Variants in COCH observed in about 807,000 individuals in gnomAD.
COCH encodes cochlin.
Under a neutral mutation model 54.8 loss-of-function variants are expected in COCH, and 40 were observed. That is an observed-to-expected ratio of 0.73 (90% CI 0.57 to 0.95). COCH has a LOEUF of 0.95. Ranked by LOEUF, COCH falls within the 40% of genes least tolerant of loss-of-function variation. COCH has a pLI of 0.00. For missense variants in COCH, 605 were observed against 675.0 expected, an observed-to-expected ratio of 0.90 and a Z score of 1.15; for synonymous variants, 256 against 237.9, an observed-to-expected ratio of 1.08 and a Z score of -0.70.
At chr14:30,882,340 GCCT>G (rs1895641657) in intron 8 of COCH, among the ~76,000 whole-genome samples, 1 of 151,690 alleles carries the variant, frequency 6.6e-6, no homozygotes, top group South Asian at 2.1e-4. Context: ...ATGTTGGCCA[GCCT>G]GGTCTCGAGC....
chr14:30,882,278 C>CA (rs1179064078), intron 8 of COCH, among the ~76,000 whole-genome samples: 1 of 151,392 alleles, frequency 6.6e-6, no homozygotes, highest in Non-Finnish European at 1.5e-5. Flanking sequence ...CACAGGTGTG[C>CA]ACTACTACGC....
downstream of COCH, chr14:30,895,292 C>T: frequency 9.9e-7 from 1 of 1,008,282 alleles, no homozygotes. Context: ...GTGCCTGCCC[C>T]AGATAGCCTT....
intron 11 of COCH, among the ~76,000 whole-genome samples, chr14:30,887,877 T>C (rs981779464): frequency 3.9e-5 from 6 of 152,236 alleles, no homozygotes; most frequent in African/African-American, 1.4e-4. Context: ...ACCTGTTTAC[T>C]ATCATATTCC....
rs11348847 is a variant in COCH at position 30,877,805 on chromosome 14, C to T, written c.239+77C>T. The T allele has an allele frequency of 9.4e-6, 15 of 1,602,896 alleles. No homozygotes were observed. The highest frequency in any genetic ancestry group is 1.3e-5 in the Non-Finnish European group (15 of 1,176,298). ...TTTCCTGCTTTACCCATCTGGATCC[C>T]TTTCCTCCCTGCATTCTTTCTTTTG... On this transcript the variant is annotated intron_variant, in intron 4 of 11. Transcript: ENST00000396618. The surrounding 1 kb of genome is among the most constrained non-coding windows in gnomAD (Gnocchi z 8.6).
chr14:30,889,685 C>A lies in COCH; in HGVS notation c.1547C>A (p.Pro516Gln), dbSNP rs751018920. ...GACCTGAAAGATATGGCTTCTAAAC[C>A]GAAGGAGTCTCATGCTTTCTTCACA... Reference protein sequence around the residue: ...LDDLKDMASKPKESHAFFTRE... With the variant: ...LDDLKDMASKQKESHAFFTRE... Residue 516 changes from proline (P) to glutamine (Q), a missense_variant, in exon 12 of 12, where the codon CCG becomes CAG. Transcript: ENST00000396618. The A allele has an allele frequency of 2.5e-6, 4 of 1,613,900 alleles. No individual in the cohort carries two copies. Among genetic ancestry groups the A allele is most frequent in the Non-Finnish European group, 3.4e-6 (4 of 1,179,830 alleles).
Position 30,878,899 on chromosome 14 carries a change from C to A in COCH, c.328C>A (p.Gln110Lys), listed in dbSNP as rs904590850. The A allele has an allele frequency of 6.2e-7, 1 of 1,613,932 alleles. No homozygotes were observed. Among genetic ancestry groups the A allele is most frequent in the African/African-American group, 1.3e-5 (1 of 74,924 alleles). The change falls in exon 5 of 12, where the codon CAG becomes AAG. Residue 110 changes from glutamine (Q) to lysine (K), a missense_variant. Coordinates refer to ENST00000396618, the MANE Select transcript of COCH (RefSeq NM_004086.3). ...NYSSVDANGI[Q>K]SQMLSRWSAS... ...TTCCTCAGTAGATGCCAATGGCATC[C>A]AGTCTCAAATGCTTTCTAGATGGTC...
intron 8 of COCH, among the ~76,000 whole-genome samples, chr14:30,881,757 GACCATCCTGGCTAAC>G (rs1393611923): frequency 1.1e-3 from 167 of 152,008 alleles, no homozygotes; most frequent in African/African-American, 3.8e-3. Flanking sequence ...AGGAGATTGA[GACCATCCTGGCTAAC>G]ACGGGGAAAC....
intron 6 of COCH, 34 bp downstream of exon 6, chr14:30,879,519 G>T: frequency 6.2e-7 from 1 of 1,604,946 alleles, no homozygotes; most frequent in Non-Finnish European, 8.5e-7. Context: ...CTAGTTGCCC[G>T]GCACAGCATT....
At chr14:30,891,853 T>A (rs940742364), downstream of COCH, among the ~76,000 whole-genome samples, 7 of 152,184 alleles carry the variant, frequency 4.6e-5, no homozygotes, top group Non-Finnish European at 7.3e-5. Flanking sequence ...ATTATGTAAG[T>A]AAACATAATC....
chr14:30,888,243 C>CT (rs747801148), intron 11 of COCH, among the ~76,000 whole-genome samples: 132 of 141,184 alleles, frequency 9.3e-4, no homozygotes, highest in Middle Eastern at 7.2e-3. Context: ...AATATTTTGA[C>CT]TTTTTTTTTT....
In COCH at chr14:30,885,399, G is replaced by A. The variant is rs1214404456; in HGVS notation, c.739G>A (p.Ala247Thr). Reference sequence around the variant, plus strand: ...TGCTTCTTTTTCAAATTTAGGAAAAGCCTTGAAGCATACTGCTCAGAAATT... The same window carrying A: ...TGCTTCTTTTTCAAATTTAGGAAAAACCTTGAAGCATACTGCTCAGAAATT... ...FRGGNSNTGK[A>T]LKHTAQKFFT... Residue 247 changes from alanine (A) to threonine (T), a missense_variant, in exon 10 of 12, where the codon GCC becomes ACC. Coordinates refer to ENST00000396618, the MANE Select transcript of COCH (RefSeq NM_004086.3). 2 of 1,613,188 alleles carry A rather than the reference G, an allele frequency of 1.2e-6. No individual in the cohort carries two copies. Among genetic ancestry groups the A allele is most frequent in the Admixed American group, 3.3e-5 (2 of 60,024 alleles).
In COCH at chr14:30,877,708, A is replaced by G; in HGVS notation, c.219A>G (p.Ile73Met). 1 of 1,614,214 alleles carries G rather than the reference A, an allele frequency of 6.2e-7. No individual in the cohort carries two copies. The highest frequency in any genetic ancestry group is 8.5e-7 in the Non-Finnish European group (1 of 1,180,040). The change falls in exon 4 of 12, where the codon ATA (isoleucine) becomes ATG (methionine). Residue 73 changes from isoleucine to methionine, a missense_variant. Ile to Met is a conservative substitution (Grantham distance 10). Transcript: ENST00000396618. This position sits in a 1 kb window ranked among gnomAD's most constrained non-coding sequence, Gnocchi z 8.6. Reference protein sequence around the residue: ...GNIVYASVSSICGAAVHRGVI... With the variant: ...GNIVYASVSSMCGAAVHRGVI... ...TAGTATATGCTTCTGTATCGAGCATATGTGGGGCTGCTGTCCACAGGTAAG... is the reference window on the plus strand; with the variant it reads ...TAGTATATGCTTCTGTATCGAGCATGTGTGGGGCTGCTGTCCACAGGTAAG...
Position 30,877,579 on chromosome 14 carries a change from T to C in COCH, c.90T>C (p.Ile30=). 1 of 1,614,190 alleles carries C rather than the reference T, an allele frequency of 6.2e-7. No individual in the cohort carries two copies. The highest frequency in any genetic ancestry group is 8.5e-7 in the Non-Finnish European group (1 of 1,180,034). The change falls in exon 4 of 12, where the codon ATT becomes ATC. Residue 30 remains isoleucine, a synonymous_variant. Transcript: ENST00000396618. This position sits in a 1 kb window ranked among gnomAD's most constrained non-coding sequence, Gnocchi z 8.6. ...TATCTCCTTTTTCTTCAGCTCCCAT[T>C]GCTATCACATGTTTTACCAGAGGCT... ...GPAGSEGAAP[I]AITCFTRGLD...
In COCH at chr14:30,877,276, G is replaced by C. The variant is rs1440492279; in HGVS notation, c.83-296G>C. 1 of 378,808 alleles carries C rather than the reference G, an allele frequency of 2.6e-6. No homozygotes were observed. Among genetic ancestry groups the C allele is most frequent in the Non-Finnish European group, 5.0e-6 (1 of 200,616 alleles). 23.5% of individuals were successfully genotyped at this position (378,808 alleles called of 1,614,324 possible). On this transcript the variant is annotated intron_variant, in intron 3 of 11. Coordinates refer to ENST00000396618, the MANE Select transcript of COCH (RefSeq NM_004086.3). This position sits in a 1 kb window ranked among gnomAD's most constrained non-coding sequence, Gnocchi z 8.6. ...TTGGAGGTGGATCACTTGAGCTCGG[G>C]AATTTGAGCCTAGCTTGGGCAACTT...
intron 5 of COCH, 25 bp downstream of exon 5, chr14:30,878,969 C>T: frequency 3.1e-6 from 5 of 1,612,828 alleles, no homozygotes; most frequent in Non-Finnish European, 4.2e-6. Flanking sequence ...TGTTCTCATT[C>T]TGTAATATTC....
At chr14:30,878,516 G>T (rs1895452364) in intron 4 of COCH, among the ~76,000 whole-genome samples, 1 of 152,140 alleles carries the variant, frequency 6.6e-6, no homozygotes, top group Non-Finnish European at 1.5e-5. Flanking sequence ...AATTAGCCAG[G>T]TATGGTGGTG....
At chr14:30,875,569 A>C in intron 3 of COCH, 1 of 459,546 alleles carries the variant, frequency 2.2e-6, no homozygotes, top group Non-Finnish European at 3.8e-6. Flanking sequence ...ACCTTGTTTG[A>C]CTCGCTAGCT....
chr14:30,895,477 A>G (rs372274078), downstream of COCH: 6 of 1,614,006 alleles, frequency 3.7e-6, no homozygotes, highest in African/African-American at 8.0e-5. Flanking sequence ...ACGAGTGGAA[A>G]GCAACATCAT....
At position 30,877,802 on chromosome 14, in the gene COCH, T is replaced by A; in HGVS notation, c.239+74T>A. On this transcript the variant is annotated intron_variant, in intron 4 of 11. Coordinates refer to ENST00000396618, the MANE Select transcript of COCH (RefSeq NM_004086.3). This position sits in a 1 kb window ranked among gnomAD's most constrained non-coding sequence, Gnocchi z 8.6. ...TCCTTTCCTGCTTTACCCATCTGGA[T>A]CCCTTTCCTCCCTGCATTCTTTCTT... 6.2e-7 allele frequency: 1 copy of A among 1,601,122 alleles called. No individual in the cohort carries two copies. The highest frequency in any genetic ancestry group is 8.5e-7 in the Non-Finnish European group (1 of 1,176,066).
Sources: gnomAD v4.1 joint callset for allele counts (sites outside exome capture counted in the v4.1 genomes callset) on GRCh38, gnomAD v4.1.1 for gene constraint, Gnocchi (gnomAD v3.1) non-coding constraint, MANE v1.5 for transcripts, NCBI Gene and HGNC (gene_info 2026-07-23, HGNC 2026-07-21) for gene names.